The following MYO1D variants were observed in gnomAD, a reference collection of about 807,000 sequenced individuals.
MYO1D encodes myosin ID.
In MYO1D, 83 loss-of-function variants were observed where a neutral mutation model predicts 122.0. That is an observed-to-expected ratio of 0.68 (90% confidence interval 0.57 to 0.82). The LOEUF (loss-of-function observed/expected upper bound fraction) is 0.82, where lower values mean the gene tolerates loss of function less well. Ranked by LOEUF, MYO1D falls within the 40% of genes least tolerant of loss-of-function variation. The probability of loss-of-function intolerance (pLI) is 0.00; values close to 1 mark genes in which losing one functional copy is unlikely to be tolerated. For synonymous variants in MYO1D, 464 were observed against 446.9 expected, an observed-to-expected ratio of 1.04 and a Z score of -0.48; for missense variants, 1,157 against 1,269.5, an observed-to-expected ratio of 0.91 and a Z score of 1.35.
intron 21 of MYO1D, among the ~76,000 whole-genome samples, chr17:32,531,022 T>A (rs760474018): frequency 1.2e-4 from 18 of 152,238 alleles, no homozygotes; most frequent in South Asian, 6.2e-4. Context: ...TGATCCTCCC[T>A]CACTGCAACC....
chr17:32,809,028 T>C (rs2090545673), intron 1 of MYO1D, among the ~76,000 whole-genome samples: 1 of 152,076 alleles, frequency 6.6e-6, no homozygotes, highest in Non-Finnish European at 1.5e-5. Flanking sequence ...CACACATATG[T>C]ATATTTAGGG....
At chr17:32,752,185 C>T (rs367600950) in intron 11 of MYO1D, among the ~76,000 whole-genome samples, 52 of 152,128 alleles carry the variant, frequency 3.4e-4, no homozygotes, top group African/African-American at 1.2e-3. Flanking sequence ...AGAAAGCATA[C>T]GCTATTCACT....
chr17:32,535,337 C>T (rs995671133), intron 21 of MYO1D, among the ~76,000 whole-genome samples: 1 of 152,158 alleles, frequency 6.6e-6, no homozygotes, highest in African/African-American at 2.4e-5. Flanking sequence ...ACTTTATGAC[C>T]TAGTACATAG....
In MYO1D at chr17:32,788,894, G is replaced by A. The variant is rs1759111245; in HGVS notation, c.96-8110C>T. 2.6e-5 allele frequency among the ~76,000 whole-genome samples: 4 copies of A among 152,166 alleles called. No homozygotes were observed. In the South Asian group the frequency reaches 8.3e-4, roughly 32 times the overall value. On this transcript the variant is annotated intron_variant, in intron 1 of 21. Coordinates refer to ENST00000318217, the MANE Select transcript of MYO1D (RefSeq NM_015194.3). ...CTTCCCATTCATAAGCATGGGATATGTTTCCATTTGTTTGTGCCATCTAAT... is the reference window on the plus strand; with the variant it reads ...CTTCCCATTCATAAGCATGGGATATATTTCCATTTGTTTGTGCCATCTAAT...
chr17:32,515,459 T>C (rs1012884432), intron 21 of MYO1D, among the ~76,000 whole-genome samples: 3 of 152,104 alleles, frequency 2.0e-5, no homozygotes, highest in Non-Finnish European at 4.4e-5. Context: ...GCCCGGCTAA[T>C]TTTTTGATTT....
chr17:32,612,191 A>T (rs1178142709), intron 20 of MYO1D, among the ~76,000 whole-genome samples: 2 of 152,200 alleles, frequency 1.3e-5, no homozygotes, highest in Non-Finnish European at 2.9e-5. Flanking sequence ...AGCAAAAAAC[A>T]AAAATATACC....
chr17:32,545,010 G>A (rs996646101), intron 21 of MYO1D, among the ~76,000 whole-genome samples: 2 of 152,110 alleles, frequency 1.3e-5, no homozygotes, highest in African/African-American at 4.8e-5. Context: ...CACCTGCCTT[G>A]CGTATTGATA....
chr17:32,801,069 C>T (rs2090456872), intron 1 of MYO1D, among the ~76,000 whole-genome samples: 1 of 152,086 alleles, frequency 6.6e-6, no homozygotes, highest in African/African-American at 2.4e-5. Flanking sequence ...TCCTCTAGTT[C>T]AATCTTGCTC....
At chr17:32,603,599 C>T (rs371126457) in intron 21 of MYO1D, among the ~76,000 whole-genome samples, 6 of 146,088 alleles carry the variant, frequency 4.1e-5, no homozygotes, top group African/African-American at 1.5e-4. Context: ...GATCTTGGCT[C>T]ACAGCAAGCT....
intron 1 of MYO1D, among the ~76,000 whole-genome samples, chr17:32,849,483 C>T (rs2090966603): frequency 6.7e-6 from 1 of 150,038 alleles, no homozygotes; most frequent in Non-Finnish European, 1.5e-5. Context: ...TACTATGCAG[C>T]CATAAAAAAG....
In MYO1D at chr17:32,659,323, G is replaced by A; in HGVS notation, c.2137C>T (p.Leu713=). The change falls in exon 17 of 22, where the codon CTG becomes TTG. Residue 713 remains leucine, a synonymous_variant. Coordinates refer to ENST00000318217, the MANE Select transcript of MYO1D (RefSeq NM_015194.3). The part of the protein sequence containing the change: ...LFLQKVWRGT[L]ARMRYKRTKA... Reference sequence around the variant, plus strand: ...GTTCTTTTGTACCGCATGCGGGCCAGGGTGCCCCGCCACACCTTCACAATA... The same window carrying A: ...GTTCTTTTGTACCGCATGCGGGCCAAGGTGCCCCGCCACACCTTCACAATA... 6.2e-7 allele frequency: 1 copy of A among 1,614,066 alleles called. No individual in the cohort carries two copies. Among genetic ancestry groups the A allele is most frequent in the South Asian group, 1.1e-5 (1 of 91,046 alleles).
rs574652122 is a variant in MYO1D, at chr17:32,625,280, A to T, written c.2709+13442T>A. ...AAGACTTAAATAGATAAATAAAGAA[A>T]ATGAGAGAGAGAGAGAGAGCAACTT... is the stretch of plus-strand genomic sequence containing the variant. On this transcript the variant is annotated intron_variant, in intron 20 of 21. Coordinates refer to ENST00000318217, the MANE Select transcript of MYO1D (RefSeq NM_015194.3). 2.0e-3 allele frequency among the ~76,000 whole-genome samples: 302 copies of T among 151,704 alleles called. 2 individuals are homozygous for T. The highest frequency in any genetic ancestry group is 7.1e-3 in the African/African-American group (292 of 40,990).
At chr17:32,618,639 C>CTTT (rs35604698) in intron 20 of MYO1D, among the ~76,000 whole-genome samples, 11 of 144,104 alleles carry the variant, frequency 7.6e-5, no homozygotes, top group South Asian at 2.2e-4. Flanking sequence ...TTAATTAATT[C>CTTT]TTTTTTTTTT....
intron 21 of MYO1D, among the ~76,000 whole-genome samples, chr17:32,574,241 A>G (rs1309711266): frequency 6.6e-6 from 1 of 151,736 alleles, no homozygotes; most frequent in Non-Finnish European, 1.5e-5. Flanking sequence ...CGTACTTTAC[A>G]GAAGCTTGTC....
rs145126486 is a variant in MYO1D at position 32,767,732 on chromosome 17, G to A, written c.735C>T (p.Ala245=). The stretch of plus-strand genomic sequence containing the variant: ...TGGCATCAGCAACAACTCTGAATTC[G>A]GCAGCATCATTGATAGAAGACTGGG... ...AQLKSSINDA[A]EFRVVADAMK... The change falls in exon 7 of 22, where the codon GCC becomes GCT. Residue 245 remains alanine (A), a synonymous_variant. Coordinates refer to ENST00000318217, the MANE Select transcript of MYO1D (RefSeq NM_015194.3). The A allele has an allele frequency of 1.6e-5, 26 of 1,612,868 alleles. No individual in the cohort carries two copies. The highest frequency in any genetic ancestry group is 1.3e-4 in the East Asian group (6 of 44,874).
intron 21 of MYO1D, among the ~76,000 whole-genome samples, chr17:32,572,276 AG>A (rs1351428788): frequency 2.0e-5 from 3 of 152,028 alleles, no homozygotes; most frequent in Non-Finnish European, 2.9e-5. Context: ...CCAGAGGCTG[AG>A]GCTGCTTCCT....
At chr17:32,616,813 G>C (rs1284157497) in intron 20 of MYO1D, among the ~76,000 whole-genome samples, 1 of 152,144 alleles carries the variant, frequency 6.6e-6, no homozygotes, top group African/African-American at 2.4e-5. Flanking sequence ...AATTGGGGCT[G>C]TGTGACTTCT....
chr17:32,543,380 T>C (rs1597886596), intron 21 of MYO1D, among the ~76,000 whole-genome samples: 2 of 150,748 alleles, frequency 1.3e-5, no homozygotes, highest in African/African-American at 4.9e-5. Context: ...ATCGAGACCA[T>C]CCTGGCTAAC....
intron 16 of MYO1D, among the ~76,000 whole-genome samples, chr17:32,698,143 T>C (rs953837230): frequency 6.6e-6 from 1 of 152,234 alleles, no homozygotes; most frequent in African/African-American, 2.4e-5. Context: ...GTTCTTGTAA[T>C]GACTTAGTTA....
Sources: allele counts gnomAD v4.1 joint callset (sites outside exome capture counted in the v4.1 genomes callset), GRCh38; gene constraint gnomAD v4.1.1; transcripts MANE v1.5; gene names NCBI Gene and HGNC (gene_info 2026-07-23, HGNC 2026-07-21).